Variants in PDE4D observed in about 807,000 individuals in gnomAD.
PDE4D encodes phosphodiesterase 4D, also known as 3',5'-cyclic-AMP phosphodiesterase 4D.
PDE4D carries 24 observed loss-of-function variants against 87.4 expected under a neutral mutation model. The observed-to-expected ratio is 0.27, with a 90% confidence interval of 0.20 to 0.39. The LOEUF (loss-of-function observed/expected upper bound fraction) is 0.39, where lower values mean the gene tolerates loss of function less well. Ranked by LOEUF, PDE4D falls within the 10% of genes least tolerant of loss-of-function variation. The pLI, the probability that PDE4D is intolerant of heterozygous loss-of-function variation, is 1.00. For synonymous variants in PDE4D, 384 were observed against 383.2 expected (o/e 1.00, Z -0.02); for missense variants, 714 against 1,041.0 (o/e 0.69, Z 4.32).
At chr5:60,146,406 T>A (rs941452411) in intron 2 of PDE4D, among the ~76,000 whole-genome samples, 2 of 152,218 alleles carry the variant, frequency 1.3e-5, no homozygotes, top group Non-Finnish European at 1.5e-5. Flanking sequence ...TGGATTGGAA[T>A]TTAGTGTCCA....
intron 1 of PDE4D, among the ~76,000 whole-genome samples, chr5:60,402,655 G>C (rs577703850): frequency 1.3e-5 from 2 of 152,158 alleles, no homozygotes; most frequent in Non-Finnish European, 2.9e-5. Context: ...CTGCATAAGG[G>C]CACCCAGTTT....
chr5:60,149,864 T>C (rs902889184), intron 2 of PDE4D, among the ~76,000 whole-genome samples: 18 of 147,560 alleles, frequency 1.2e-4, no homozygotes, highest in Admixed American at 4.1e-4. Context: ...TGTGTATATA[T>C]GTAGATATAA....
chr5:59,287,327 C>A (rs1054646822), intron 1 of PDE4D, among the ~76,000 whole-genome samples: 4 of 152,012 alleles, frequency 2.6e-5, no homozygotes, highest in Non-Finnish European at 4.4e-5. Context: ...GACTCCTCTG[C>A]TTGTGGAAAG....
At chr5:59,391,396 G>A (rs1246653863) in intron 1 of PDE4D, among the ~76,000 whole-genome samples, 1 of 152,046 alleles carries the variant, frequency 6.6e-6, no homozygotes, top group Non-Finnish European at 1.5e-5. Flanking sequence ...GTTAAACAAA[G>A]AAAAGGATTT....
chr5:60,425,514 C>A (rs1261594064), intron 1 of PDE4D, among the ~76,000 whole-genome samples: 5 of 152,114 alleles, frequency 3.3e-5, no homozygotes, highest in South Asian at 2.1e-4. Flanking sequence ...CTTCCTTACA[C>A]CTTATACAAA....
intron 5 of PDE4D, among the ~76,000 whole-genome samples, chr5:59,057,482 A>C (rs1762533319): frequency 6.6e-6 from 1 of 152,224 alleles, no homozygotes; most frequent in African/African-American, 2.4e-5. Flanking sequence ...AAGTGGTCCT[A>C]AAGTCACTAT....
intron 1 of PDE4D, among the ~76,000 whole-genome samples, chr5:59,317,989 A>C (rs1323842714): frequency 6.6e-6 from 1 of 152,160 alleles, no homozygotes; most frequent in African/African-American, 2.4e-5. Flanking sequence ...AGACCTTATG[A>C]ACTTTTGTTT....
chr5:59,977,120 C>G (rs997089667), intron 3 of PDE4D, among the ~76,000 whole-genome samples: 1 of 152,130 alleles, frequency 6.6e-6, no homozygotes. Context: ...CGCATTAAGT[C>G]AAAAGCTAGA....
chr5:59,665,905 G>T (rs1036151472), intron 1 of PDE4D, among the ~76,000 whole-genome samples: 2 of 152,062 alleles, frequency 1.3e-5, no homozygotes, highest in African/African-American at 4.8e-5. Context: ...GCTGACTTTG[G>T]ACTCCCCAGC....
At chr5:60,214,609 C>A (rs911450502) in intron 1 of PDE4D, among the ~76,000 whole-genome samples, 4 of 151,972 alleles carry the variant, frequency 2.6e-5, no homozygotes, top group African/African-American at 9.7e-5. Context: ...TTAGAAACTG[C>A]AAAGTATGAA....
intron 1 of PDE4D, among the ~76,000 whole-genome samples, chr5:60,323,185 G>T (rs1756471419): frequency 6.6e-6 from 1 of 152,256 alleles, no homozygotes; most frequent in South Asian, 2.1e-4. Context: ...ATACACACGG[G>T]TGTATCTCCA....
rs1394566333 is a variant in PDE4D at position 59,689,934 on chromosome 5, A to C, written c.455+203234T>G. Among the ~76,000 whole-genome samples, 7 of 151,572 alleles carry C rather than the reference A, an allele frequency of 4.6e-5. No homozygotes were observed. The East Asian group carries it at 7.8e-4, about 17-fold the overall frequency. ...CATTCCTATACACCAATAACAGACAAACAGCCAAATCCGAAGTGAACTCCA... is the reference window on the plus strand; with the variant it reads ...CATTCCTATACACCAATAACAGACACACAGCCAAATCCGAAGTGAACTCCA... On this transcript the variant is annotated intron_variant, in intron 1 of 14. Coordinates refer to ENST00000340635, the MANE Select transcript of PDE4D (RefSeq NM_001104631.2).
intron 1 of PDE4D, chr5:59,587,018 G>A: frequency 1.0e-6 from 1 of 985,168 alleles, no homozygotes; most frequent in Non-Finnish European, 1.2e-6. Flanking sequence ...CAGAATTGCT[G>A]GTTCAACTGC....
intron 1 of PDE4D, among the ~76,000 whole-genome samples, chr5:59,867,800 A>G (rs144444562): frequency 6.6e-6 from 1 of 152,290 alleles, no homozygotes; most frequent in African/African-American, 2.4e-5. Context: ...TCTCCTTGCT[A>G]TATCATTAGG....
chr5:60,081,011 G>C (rs573243420), intron 2 of PDE4D, among the ~76,000 whole-genome samples: 1 of 152,176 alleles, frequency 6.6e-6, no homozygotes, highest in South Asian at 2.1e-4. Context: ...TCTGGTCCTA[G>C]GATTTTTTTG....
intron 1 of PDE4D, among the ~76,000 whole-genome samples, chr5:59,649,930 T>TTTTTTTTTTTTTTTG (rs1580152373): frequency 7.1e-6 from 1 of 140,916 alleles, no homozygotes; most frequent in Non-Finnish European, 1.5e-5. Flanking sequence ...TTTTTTTTTT[T>TTTTTTTTTTTTTTTG]TTAGCAATGA....
chr5:59,357,638 C>T (rs955406081), intron 1 of PDE4D, among the ~76,000 whole-genome samples: 5 of 152,168 alleles, frequency 3.3e-5, no homozygotes, highest in Admixed American at 6.5e-5. Context: ...TCCCTAGAAA[C>T]ATTTCTTAAC....
intron 1 of PDE4D, among the ~76,000 whole-genome samples, chr5:60,417,248 T>C (rs576081313): frequency 6.6e-6 from 1 of 152,326 alleles, no homozygotes; most frequent in East Asian, 1.9e-4. Flanking sequence ...GTGAGATGAG[T>C]ACAATTGTAT....
At chr5:59,023,769 A>G (rs1561328774) in intron 6 of PDE4D, among the ~76,000 whole-genome samples, 2 of 152,228 alleles carry the variant, frequency 1.3e-5, no homozygotes, top group Non-Finnish European at 2.9e-5. Flanking sequence ...GCCTTACATT[A>G]GAAGGTAAGG....
Sources: allele counts gnomAD v4.1 joint callset (sites outside exome capture counted in the v4.1 genomes callset), GRCh38; gene constraint gnomAD v4.1.1; transcripts MANE v1.5; gene names NCBI Gene and HGNC (gene_info 2026-07-23, HGNC 2026-07-21).